Variants in PHF24 observed in about 807,000 individuals in gnomAD.
The protein encoded by PHF24 is Galpha inhibitory interacting protein.
In PHF24, 25 loss-of-function variants were observed where a neutral mutation model predicts 42.6. That is an observed-to-expected ratio of 0.59 (90% CI 0.43 to 0.82). PHF24 has a LOEUF of 0.82. PHF24 is among the 40% of genes least tolerant of loss of function. The pLI, the probability that PHF24 is intolerant of heterozygous loss-of-function variation, is 0.00. For synonymous variants in PHF24, 185 were observed against 204.8 expected (o/e 0.90, Z 0.83); for missense variants, 470 against 538.1 (o/e 0.87, Z 1.25).
At chr9:34,917,126 G>A in the PHF24 span, 22 of 858,752 alleles carry the variant, frequency 2.6e-5, no homozygotes, top group East Asian at 7.4e-5. Flanking sequence ...TCGCTCTCGC[G>A]GCCTACCTTT....
the PHF24 span, among the ~76,000 whole-genome samples, chr9:34,904,905 C>G: frequency 6.6e-6 from 1 of 151,410 alleles, no homozygotes; most frequent in East Asian, 1.9e-4. Flanking sequence ...AGTTTATGCA[C>G]TCACAGCACT....
chr9:34,869,988 TC>T, the PHF24 span, among the ~76,000 whole-genome samples: 1 of 152,184 alleles, frequency 6.6e-6, no homozygotes, highest in East Asian at 1.9e-4. Flanking sequence ...TCTTAGAACT[TC>T]CTCCAGCACA....
At chr9:34,924,121 C>A in the PHF24 span, among the ~76,000 whole-genome samples, 18 of 151,842 alleles carry the variant, frequency 1.2e-4, no homozygotes, top group African/African-American at 3.6e-4. Flanking sequence ...TTTTAAATTC[C>A]TTTTATTATT....
the PHF24 span, among the ~76,000 whole-genome samples, chr9:34,890,220 G>C: frequency 3.9e-5 from 6 of 152,322 alleles, no homozygotes; most frequent in South Asian, 4.1e-4. Flanking sequence ...CTGAACCTTG[G>C]CAGAAAGGGT....
upstream of PHF24, among the ~76,000 whole-genome samples, chr9:34,955,796 C>G (rs948097401): frequency 1.3e-5 from 2 of 152,318 alleles, no homozygotes; most frequent in Middle Eastern, 3.4e-3. Flanking sequence ...TTCCTTTGAC[C>G]TTGAAAATCT....
At chr9:34,954,873 C>T (rs948734952), upstream of PHF24, among the ~76,000 whole-genome samples, 1 of 152,194 alleles carries the variant, frequency 6.6e-6, no homozygotes, top group Non-Finnish European at 1.5e-5. Flanking sequence ...AAAACAAAAA[C>T]TTATAGAGGC....
chr9:34,954,051 T>C (rs910734971), upstream of PHF24, among the ~76,000 whole-genome samples: 4 of 152,176 alleles, frequency 2.6e-5, no homozygotes, highest in African/African-American at 9.7e-5. Context: ...GTCTCACATC[T>C]GTAATCCCAA....
At chr9:34,831,334 A>C in the PHF24 span, among the ~76,000 whole-genome samples, 1 of 152,136 alleles carries the variant, frequency 6.6e-6, no homozygotes, top group Non-Finnish European at 1.5e-5. Flanking sequence ...TGTGAAGATA[A>C]ATTTAAGGAG....
At chr9:34,826,754 T>A in the PHF24 span, among the ~76,000 whole-genome samples, 1 of 152,160 alleles carries the variant, frequency 6.6e-6, no homozygotes, top group South Asian at 2.1e-4. Context: ...GACATGTTGT[T>A]ACCTGAGTGT....
the PHF24 span, among the ~76,000 whole-genome samples, chr9:34,736,371 A>G: frequency 3.9e-5 from 6 of 152,328 alleles, no homozygotes; most frequent in African/African-American, 9.6e-5. Flanking sequence ...CAGTGGCACA[A>G]TGATGGCTCA....
chr9:34,882,558 G>C, the PHF24 span, among the ~76,000 whole-genome samples: 1 of 147,074 alleles, frequency 6.8e-6, no homozygotes, highest in African/African-American at 2.7e-5. Context: ...AAGTATTCCT[G>C]TACACCAGTA....
At chr9:34,796,841 T>C in the PHF24 span, among the ~76,000 whole-genome samples, 96 of 152,342 alleles carry the variant, frequency 6.3e-4, no homozygotes, top group African/African-American at 2.0e-3. Flanking sequence ...AGAGAACTTA[T>C]GCTCACACAA....
the PHF24 span, among the ~76,000 whole-genome samples, chr9:34,944,888 TTAAA>T: frequency 6.9e-6 from 1 of 144,868 alleles, no homozygotes. Flanking sequence ...ACTTGTCTCT[TTAAA>T]AAAAAAAAAA....
At chr9:34,723,490 A>G in the PHF24 span, 1 of 1,551,830 alleles carries the variant, frequency 6.4e-7, no homozygotes, top group Non-Finnish European at 8.7e-7. Flanking sequence ...GGCTCTTTGC[A>G]ACATTTTCTT....
At chr9:34,945,134 G>C in the PHF24 span, among the ~76,000 whole-genome samples, 1 of 152,116 alleles carries the variant, frequency 6.6e-6, no homozygotes, top group East Asian at 1.9e-4. Context: ...AGTTTTCCCA[G>C]GTAACCTCTA....
the PHF24 span, among the ~76,000 whole-genome samples, chr9:34,825,262 C>T: frequency 6.6e-3 from 1,007 of 151,840 alleles, 8 homozygotes; most frequent in Middle Eastern, 0.037. Context: ...GGTGTATAGG[C>T]GAAGGATGAG....
the PHF24 span, among the ~76,000 whole-genome samples, chr9:34,870,206 T>C: frequency 6.6e-6 from 1 of 152,148 alleles, no homozygotes; most frequent in African/African-American, 2.4e-5. Flanking sequence ...GAACCTACAT[T>C]GACACATCAT....
chr9:34,696,758 T>G, the PHF24 span, among the ~76,000 whole-genome samples: 1 of 152,100 alleles, frequency 6.6e-6, no homozygotes, highest in Admixed American at 6.5e-5. Flanking sequence ...CCCTGAATCT[T>G]CCTTGGTGGC....
the PHF24 span, chr9:34,838,522 C>G: frequency 7.6e-7 from 1 of 1,315,856 alleles, no homozygotes. Flanking sequence ...ATGAGATCAG[C>G]CATCCCTCTA....
Sources: allele counts gnomAD v4.1 joint callset (sites outside exome capture counted in the v4.1 genomes callset), GRCh38; gene constraint gnomAD v4.1.1; transcripts MANE v1.5; gene names NCBI Gene and HGNC (gene_info 2026-07-23, HGNC 2026-07-21).